Variants in FCHSD2 observed in about 807,000 individuals in gnomAD.
FCHSD2 encodes the protein F-BAR and double SH3 domains protein 2.
FCHSD2 carries 38 observed loss-of-function variants against 108.1 expected under a neutral mutation model. The ratio of observed to expected loss-of-function variants is 0.35; its 90% CI spans 0.27 to 0.46. FCHSD2 has a LOEUF of 0.46. Ranked by LOEUF, FCHSD2 falls within the 20% of genes least tolerant of loss-of-function variation. FCHSD2 has a pLI of 1.00. For missense variants in FCHSD2, 751 were observed against 897.8 expected (o/e 0.84, Z 2.09); for synonymous variants, 279 against 314.7 (o/e 0.89, Z 1.20).
At chr11:73,106,763 T>G (rs952348002) in intron 2 of FCHSD2, among the ~76,000 whole-genome samples, 8 of 152,170 alleles carry the variant, frequency 5.3e-5, no homozygotes, top group African/African-American at 1.9e-4. Context: ...CTTAAAGTAT[T>G]CAGTACAGTA....
At chr11:72,962,387 T>C (rs1856832662) in intron 8 of FCHSD2, among the ~76,000 whole-genome samples, 1 of 152,242 alleles carries the variant, frequency 6.6e-6, no homozygotes, top group Non-Finnish European at 1.5e-5. Flanking sequence ...CCAATAAGTA[T>C]AACCTACATC....
intron 14 of FCHSD2, among the ~76,000 whole-genome samples, chr11:72,847,943 C>G (rs893833792): frequency 1.3e-5 from 2 of 152,120 alleles, no homozygotes; most frequent in Non-Finnish European, 2.9e-5. Context: ...CCACCTGCCT[C>G]ATTTTCCCAA....
At chr11:73,081,726 A>T (rs1193746842) in intron 3 of FCHSD2, among the ~76,000 whole-genome samples, 2 of 152,042 alleles carry the variant, frequency 1.3e-5, no homozygotes, top group Non-Finnish European at 2.9e-5. Flanking sequence ...TCTCAATTTT[A>T]TAAATATATA....
At position 72,984,177 on chromosome 11, in the gene FCHSD2, G is replaced by A. The variant is rs146618245; in HGVS notation, c.616C>T (p.His206Tyr). ...RRSECNSKAT[H>Y]ARNDYLLTLA... ...GTAAGAAGATAATCATTCCTTGCGT[G>A]GGTAGCTTTGGAATTACACTCAGAT... Residue 206 changes from histidine to tyrosine, a missense_variant, in exon 8 of 20, where the codon CAC becomes TAC. His to Tyr is a moderately conservative substitution (Grantham distance 83). Transcript: ENST00000409418. 2.3e-5 allele frequency: 37 copies of A among 1,613,258 alleles called. No individual in the cohort carries two copies. The highest frequency in any genetic ancestry group is 2.7e-5 in the African/African-American group (2 of 74,906).
intron 3 of FCHSD2, among the ~76,000 whole-genome samples, chr11:73,051,898 CACACACACACA>C (rs1858908697): frequency 6.6e-6 from 1 of 150,828 alleles, no homozygotes. Flanking sequence ...CACACACACA[CACACACACACA>C]CACACACCCC....
intron 8 of FCHSD2, among the ~76,000 whole-genome samples, chr11:72,978,033 C>T (rs1857139053): frequency 6.6e-6 from 1 of 152,062 alleles, no homozygotes; most frequent in Non-Finnish European, 1.5e-5. Context: ...AAGCTGGAAA[C>T]CACCATTCTG....
intron 8 of FCHSD2, among the ~76,000 whole-genome samples, chr11:72,946,507 G>A (rs939343325): frequency 2.6e-5 from 4 of 152,012 alleles, no homozygotes; most frequent in Non-Finnish European, 4.4e-5. Flanking sequence ...TAACTAACCT[G>A]CACGTTGTGC....
At chr11:73,026,987 C>T (rs1236377895) in intron 3 of FCHSD2, among the ~76,000 whole-genome samples, 1 of 152,136 alleles carries the variant, frequency 6.6e-6, no homozygotes. Context: ...TGATAAATTA[C>T]CCAGTCTCAG....
rs193015275 is a variant in FCHSD2 at position 72,888,370 on chromosome 11, C to T, written c.1042-796G>A. On this transcript the variant is annotated intron_variant, in intron 11 of 19. Coordinates refer to ENST00000409418, the MANE Select transcript of FCHSD2 (RefSeq NM_014824.3). ...AAGCTAGCAACACAGACATCATTGG[C>T]GATTTTGGTAAGCTTAGACAGGGGA... Among the ~76,000 whole-genome samples, 66 of 152,040 alleles carry T rather than the reference C, an allele frequency of 4.3e-4. 1 individual carries two copies. The highest frequency in any genetic ancestry group is 3.9e-4 in the Admixed American group (6 of 15,272).
chr11:72,867,696 C>T (rs1458955079), intron 13 of FCHSD2, among the ~76,000 whole-genome samples, 169 bp downstream of exon 13: 1 of 152,134 alleles, frequency 6.6e-6, no homozygotes, highest in Non-Finnish European at 1.5e-5. Flanking sequence ...CTCTCTTTCA[C>T]TTCCCGCAAT....
At chr11:73,059,240 A>C (rs547965752) in intron 3 of FCHSD2, among the ~76,000 whole-genome samples, 1 of 152,160 alleles carries the variant, frequency 6.6e-6, no homozygotes, top group Admixed American at 6.5e-5. Context: ...AAGACTTTAC[A>C]TTACACTGTG....
chr11:73,089,784 T>G (rs1331438313), intron 2 of FCHSD2, among the ~76,000 whole-genome samples: 1 of 152,096 alleles, frequency 6.6e-6, no homozygotes, highest in Admixed American at 6.6e-5. Context: ...CCTGGGAGAT[T>G]GAGAAAAACT....
chr11:73,119,245 G>T (rs1860675593), intron 2 of FCHSD2, among the ~76,000 whole-genome samples: 1 of 151,236 alleles, frequency 6.6e-6, no homozygotes, highest in Non-Finnish European at 1.5e-5. Flanking sequence ...AGAGGTTGTA[G>T]TGAGCCAAGA....
intron 3 of FCHSD2, among the ~76,000 whole-genome samples, chr11:73,033,471 C>T (rs11822262): frequency 0.022 from 3,351 of 151,884 alleles, 114 homozygotes; most frequent in African/African-American, 0.076. Context: ...CTAAGGTCTC[C>T]GCTTATAAAC....
chr11:73,016,678 G>A (rs1857981416), intron 3 of FCHSD2, among the ~76,000 whole-genome samples: 1 of 152,150 alleles, frequency 6.6e-6, no homozygotes, highest in Non-Finnish European at 1.5e-5. Context: ...TAAAATTAAT[G>A]AACAAATTTT....
At chr11:72,962,596 TC>T (rs536823220) in intron 8 of FCHSD2, among the ~76,000 whole-genome samples, 2 of 48,576 alleles carry the variant, frequency 4.1e-5, no homozygotes, top group African/African-American at 8.5e-5. Context: ...TGAACTAAAT[TC>T]CCCCTTTTTT....
intron 2 of FCHSD2, among the ~76,000 whole-genome samples, chr11:73,108,761 C>T (rs1026146443): frequency 2.0e-5 from 3 of 151,846 alleles, no homozygotes; most frequent in African/African-American, 7.3e-5. Context: ...TTAGTAGAGA[C>T]GGGGTTTCAC....
intron 10 of FCHSD2, among the ~76,000 whole-genome samples, chr11:72,893,108 C>T (rs1336357063): frequency 1.3e-5 from 2 of 152,206 alleles, no homozygotes; most frequent in East Asian, 3.9e-4. Flanking sequence ...AAGAGATTCT[C>T]ATTCCTCAGC....
intron 4 of FCHSD2, among the ~76,000 whole-genome samples, chr11:73,010,348 T>C (rs1324561706): frequency 6.6e-6 from 1 of 152,256 alleles, no homozygotes; most frequent in African/African-American, 2.4e-5. Context: ...TTGTATCTCA[T>C]TGAGCTTCTT....
Sources: allele counts gnomAD v4.1 joint callset (sites outside exome capture counted in the v4.1 genomes callset), GRCh38; gene constraint gnomAD v4.1.1; transcripts MANE v1.5; gene names NCBI Gene and HGNC (gene_info 2026-07-23, HGNC 2026-07-21).